Variants in OR52N2 observed in about 807,000 individuals in gnomAD.
OR52N2 encodes olfactory receptor 52N2.
For synonymous variants in OR52N2, 129 were observed against 72.0 expected (o/e 1.79, Z -4.01); for missense variants, 326 against 196.6 (o/e 1.66, Z -3.94).
Position 5,820,833 on chromosome 11 carries a change from GC to G in OR52N2, c.499del (p.Arg167AlafsTer36). On this transcript the variant is annotated frameshift_variant, in exon 2 of 2. Transcript: ENST00000317037. LOFTEE classifies it low-confidence loss of function (END_TRUNC). ...TCATCCCATTCACTCTCCTCACCAA[GC>G]GCCTGCCCTATTGCCGGGGGAACTT... is the stretch of plus-strand genomic sequence containing the variant. The part of the protein sequence containing the change: ...LIIPFTLLTK[R>X]LPYCRGNFIP... 1.3e-6 allele frequency: 1 copy of G among 780,110 alleles called. No individual in the cohort carries two copies. The highest frequency in any genetic ancestry group is 2.4e-6 in the Non-Finnish European group (1 of 417,752). The allele number at this position is 780,110 out of a possible 1,614,324, so 48.3% of individuals were successfully genotyped here. A position where few individuals can be genotyped will look rare whatever the true frequency, so the allele number is the denominator to read the frequency against.
intron 1 of OR52N2, among the ~76,000 whole-genome samples, chr11:5,818,938 A>G (rs919252835): frequency 6.6e-6 from 1 of 152,196 alleles, no homozygotes; most frequent in African/African-American, 2.4e-5. Context: ...GGTAGTATTC[A>G]GAGATCACGA....
chr11:5,809,639 C>T lies in OR52N2; in HGVS notation c.-55+585C>T, dbSNP rs147175855. On this transcript the variant is annotated intron_variant, in intron 1 of 1. Coordinates refer to ENST00000317037, the MANE Select transcript of OR52N2 (RefSeq NM_001005174.3). ...ACTCAGAGAAAATTATTGTATCTTA[C>T]ATTGTCTTTCAAAAAAAAAAAAAAA... Among the ~76,000 whole-genome samples, 807 of 147,676 alleles carry T rather than the reference C, an allele frequency of 5.5e-3. 5 individuals are homozygous for T. The highest frequency in any genetic ancestry group is 0.018 in the African/African-American group (732 of 40,090).
intron 1 of OR52N2, among the ~76,000 whole-genome samples, chr11:5,813,710 A>T (rs554180460): frequency 9.5e-4 from 145 of 152,306 alleles, no homozygotes; most frequent in Non-Finnish European, 1.7e-3. Flanking sequence ...CATCCGCCAG[A>T]CAAGGACAAC....
intron 1 of OR52N2, among the ~76,000 whole-genome samples, chr11:5,813,579 A>C (rs902669889): frequency 6.6e-6 from 1 of 152,214 alleles, no homozygotes. Flanking sequence ...TGGAGGCTTC[A>C]CTGCTGAATT....
intron 1 of OR52N2, among the ~76,000 whole-genome samples, chr11:5,812,368 G>A (rs10838666): frequency 0.25 from 36,766 of 149,426 alleles, 4,677 homozygotes; most frequent in Middle Eastern, 0.31. Context: ...GGTGGCGGGC[G>A]CCTATAGTCC....
chr11:5,821,379 GTA>G lies in OR52N2; in HGVS notation c.*80_*81del. 1 of 659,288 alleles carries G rather than the reference GTA, an allele frequency of 1.5e-6. No individual in the cohort carries two copies. Among genetic ancestry groups the G allele is most frequent in the Non-Finnish European group, 2.7e-6 (1 of 366,674 alleles). 40.8% of individuals were successfully genotyped at this position (659,288 alleles called of 1,614,324 possible). A position where few individuals can be genotyped will look rare whatever the true frequency, so the allele number is the denominator to read the frequency against. ...TTTCATAAAAGATGTGAATAAAATGGTATTAAAATCATGACATGTAATTTACC... is the reference window on the plus strand; with the variant it reads ...TTTCATAAAAGATGTGAATAAAATGGTTAAAATCATGACATGTAATTTACC... On this transcript the variant is annotated 3_prime_UTR_variant, in exon 2 of 2. Transcript: ENST00000317037.
intron 1 of OR52N2, among the ~76,000 whole-genome samples, chr11:5,817,547 A>G (rs974042929): frequency 3.3e-5 from 5 of 152,200 alleles, no homozygotes; most frequent in African/African-American, 1.2e-4. Flanking sequence ...ACTTACTACT[A>G]GTGAAGTTAA....
chr11:5,821,419 T>A lies in OR52N2; in HGVS notation c.*118T>A. The A allele has an allele frequency of 1.6e-6, 1 of 614,580 alleles. No homozygotes were observed. The allele number at this position is 614,580 out of a possible 1,614,324, so 38.1% of individuals were successfully genotyped here. A position where few individuals can be genotyped will look rare whatever the true frequency, so the allele number is the denominator to read the frequency against. On this transcript the variant is annotated 3_prime_UTR_variant, in exon 2 of 2. Transcript: ENST00000317037. ...CATGTAATTTACCCATGTAACAAAC[T>A]TGCACGTGTACCTAAAATAAAAATA...
At chr11:5,811,461 G>C (rs973566821) in intron 1 of OR52N2, among the ~76,000 whole-genome samples, 2 of 152,090 alleles carry the variant, frequency 1.3e-5, no homozygotes, top group African/African-American at 4.8e-5. Context: ...TAGAAGTATG[G>C]AACTTCTTTA....
chr11:5,816,331 T>C (rs1419166581), intron 1 of OR52N2, among the ~76,000 whole-genome samples: 1 of 152,198 alleles, frequency 6.6e-6, no homozygotes, highest in African/African-American at 2.4e-5. Context: ...TGGCAAACTT[T>C]GTTATGTATA....
At chr11:5,810,242 G>A (rs1042696385) in intron 1 of OR52N2, among the ~76,000 whole-genome samples, 1 of 152,188 alleles carries the variant, frequency 6.6e-6, no homozygotes, top group Admixed American at 6.5e-5. Flanking sequence ...GACTGGATGA[G>A]CAAGCTAGTC....
intron 1 of OR52N2, among the ~76,000 whole-genome samples, 142 bp downstream of exon 1, chr11:5,809,196 A>C (rs1196642433): frequency 6.6e-6 from 1 of 152,212 alleles, no homozygotes; most frequent in East Asian, 1.9e-4. Flanking sequence ...TTCTCTTAGC[A>C]AGGCAATTTA....
intron 1 of OR52N2, among the ~76,000 whole-genome samples, chr11:5,811,168 A>G (rs1387976477): frequency 6.6e-6 from 1 of 152,008 alleles, no homozygotes; most frequent in East Asian, 1.9e-4. Context: ...GTGTATTACT[A>G]CCAGACCTGC....
In OR52N2 at chr11:5,821,195, C is replaced by T. The variant is rs1846450801; in HGVS notation, c.860C>T (p.Pro287Leu). ...GTGGCCAACCTTTATCTGCTACTGC[C>T]TCCTACCATGAACCCAATTGTTTAT... ...IIVANLYLLLPPTMNPIVYGV... is the reference protein window; with the variant it reads ...IIVANLYLLLLPTMNPIVYGV... The change falls in exon 2 of 2, where the codon CCT becomes CTT. Residue 287 changes from proline to leucine, a missense_variant. Pro to Leu is a moderately conservative substitution (Grantham distance 98). Coordinates refer to ENST00000317037, the MANE Select transcript of OR52N2 (RefSeq NM_001005174.3). 1.3e-6 allele frequency: 1 copy of T among 780,900 alleles called. No homozygotes were observed. The highest frequency in any genetic ancestry group is 1.7e-5 in the African/African-American group (1 of 59,120). The allele number at this position is 780,900 out of a possible 1,614,324, so 48.4% of individuals were successfully genotyped here.
chr11:5,819,315 A>G (rs1165504315), intron 1 of OR52N2, among the ~76,000 whole-genome samples: 1 of 152,206 alleles, frequency 6.6e-6, no homozygotes, highest in Non-Finnish European at 1.5e-5. Context: ...CTCCATCAAG[A>G]AATAGCAATC....
chr11:5,820,416 C>T lies in OR52N2; in HGVS notation c.81C>T (p.Ile27=). The part of the protein sequence containing the change: ...NGVPGLEATH[I]WISLPFCFMY... Reference sequence around the variant, plus strand: ...TTCCTGGGCTGGAAGCCACACACATCTGGATCTCCCTGCCATTCTGCTTTA... The same window carrying T: ...TTCCTGGGCTGGAAGCCACACACATTTGGATCTCCCTGCCATTCTGCTTTA... The change falls in exon 2 of 2, where the codon ATC becomes ATT. Residue 27 remains isoleucine (I), a synonymous_variant. Transcript: ENST00000317037. 1 of 780,898 alleles carries T rather than the reference C, an allele frequency of 1.3e-6. No individual in the cohort carries two copies. Among genetic ancestry groups the T allele is most frequent in the Non-Finnish European group, 2.4e-6 (1 of 418,080 alleles). The allele number at this position is 780,898 out of a possible 1,614,324, so 48.4% of individuals were successfully genotyped here.
At chr11:5,820,208 A>G (rs1590368408) in intron 1 of OR52N2, 74 bp from the exon 2 acceptor site, 1 of 670,402 alleles carries the variant, frequency 1.5e-6, no homozygotes, top group Non-Finnish European at 2.7e-6. Context: ...GTGAATGTAC[A>G]TGGCACTTGA....
At position 5,820,308 on chromosome 11, in the gene OR52N2, A is replaced by AT. The variant is rs765808513; in HGVS notation, c.-27dup. ...CAGAAAGCAATGGCTGCTAAAGAGT[A>AT]TAAAATGCTCTCCTCCTGTCAGCCA... On this transcript the variant is annotated 5_prime_UTR_variant, in exon 2 of 2. The change creates a premature stop within an existing upstream ORF in the 5' untranslated region. Coordinates refer to ENST00000317037, the MANE Select transcript of OR52N2 (RefSeq NM_001005174.3). The AT allele has an allele frequency of 1.3e-5, 10 of 776,374 alleles. No individual in the cohort carries two copies. Among genetic ancestry groups the AT allele is most frequent in the South Asian group, 1.2e-4 (9 of 73,894 alleles). The allele number at this position is 776,374 out of a possible 1,614,324, so 48.1% of individuals were successfully genotyped here. A position where few individuals can be genotyped will look rare whatever the true frequency, so the allele number is the denominator to read the frequency against.
chr11:5,817,303 GAAGA>G (rs1193548684), intron 1 of OR52N2, among the ~76,000 whole-genome samples: 1 of 151,804 alleles, frequency 6.6e-6, no homozygotes. Context: ...TAGTAAAAAG[GAAGA>G]AAGGTCAAAA....
Sources: gnomAD v4.1 joint callset for allele counts (sites outside exome capture counted in the v4.1 genomes callset) on GRCh38, gnomAD v4.1.1 for gene constraint, MANE v1.5 for transcripts, NCBI Gene and HGNC (gene_info 2026-07-23, HGNC 2026-07-21) for gene names.